Variants in FNBP1 observed in about 807,000 individuals in gnomAD.
The protein encoded by FNBP1 is formin-binding protein 1.
FNBP1 carries 26 observed loss-of-function variants against 90.6 expected under a neutral mutation model. That is an observed-to-expected ratio of 0.29 (90% CI 0.21 to 0.40). FNBP1 has a LOEUF of 0.40. FNBP1 is among the 10% of genes least tolerant of loss of function. The pLI is 1.00. For synonymous variants in FNBP1, 260 were observed against 265.2 expected (o/e 0.98, Z 0.19); for missense variants, 635 against 768.0 (o/e 0.83, Z 2.05).
intron 2 of FNBP1, among the ~76,000 whole-genome samples, chr9:129,986,947 T>C (rs2131107933): frequency 6.6e-6 from 1 of 151,998 alleles, no homozygotes. Context: ...AGCATAGAAT[T>C]TACACAGGAA....
chr9:130,032,764 A>G (rs1027722730), intron 1 of FNBP1, among the ~76,000 whole-genome samples: 1 of 152,144 alleles, frequency 6.6e-6, no homozygotes, highest in Non-Finnish European at 1.5e-5. Context: ...AAGTGGTAAT[A>G]ATAGCCAAAG....
At chr9:129,938,545 T>A (rs1349231669) in intron 6 of FNBP1, among the ~76,000 whole-genome samples, 1 of 151,914 alleles carries the variant, frequency 6.6e-6, no homozygotes, top group Non-Finnish European at 1.5e-5. Flanking sequence ...CTGACTCTTT[T>A]TTTTTTTTTT....
intron 16 of FNBP1, among the ~76,000 whole-genome samples, chr9:129,891,418 T>C (rs1249461032): frequency 2.6e-5 from 4 of 152,182 alleles, no homozygotes; most frequent in African/African-American, 9.6e-5. Context: ...CGAGCCAGGA[T>C]CACACCACTG....
At chr9:130,012,497 C>CT (rs2056745660) in intron 1 of FNBP1, among the ~76,000 whole-genome samples, 1 of 151,980 alleles carries the variant, frequency 6.6e-6, no homozygotes, top group South Asian at 2.1e-4. Flanking sequence ...AAAACCTCTA[C>CT]TTTTAAAAAT....
At chr9:130,018,944 G>C (rs1439641799) in intron 1 of FNBP1, among the ~76,000 whole-genome samples, 8 of 152,040 alleles carry the variant, frequency 5.3e-5, no homozygotes, top group Admixed American at 5.3e-4. Flanking sequence ...GATGATTAGG[G>C]CTGGGCACAG....
chr9:129,893,635 A>AAAAAAAAAAAAAAAAAAAC (rs2035344446), intron 16 of FNBP1, among the ~76,000 whole-genome samples: 2 of 140,266 alleles, frequency 1.4e-5, no homozygotes, highest in Non-Finnish European at 3.1e-5. Context: ...AAAAAAAAAA[A>AAAAAAAAAAAAAAAAAAAC]AAGCCAGGCA....
Position 130,005,675 on chromosome 9 carries a change from A to G in FNBP1, c.25-10717T>C, listed in dbSNP as rs367942358. Among the ~76,000 whole-genome samples, 163 of 152,326 alleles carry G rather than the reference A, an allele frequency of 1.1e-3. 3 individuals carry two copies. In the South Asian group the frequency reaches 0.032, roughly 30 times the overall value. ...ATATTAAAAGCAGAAATACTCAAAT[A>G]TATTTTTCAACCTAAAAGTGATGAA... On this transcript the variant is annotated intron_variant, in intron 1 of 16. Transcript: ENST00000446176.
chr9:129,950,797 CT>C (rs1158076609), intron 6 of FNBP1, among the ~76,000 whole-genome samples: 1 of 151,890 alleles, frequency 6.6e-6, no homozygotes, highest in Non-Finnish European at 1.5e-5. Flanking sequence ...CGACTTGTAC[CT>C]TTTTCTTTTT....
intron 2 of FNBP1, among the ~76,000 whole-genome samples, chr9:129,990,908 G>C (rs2053029108): frequency 6.6e-6 from 1 of 150,418 alleles, no homozygotes; most frequent in African/African-American, 2.4e-5. Flanking sequence ...AAAGAAGGCA[G>C]ACAGAGATGA....
chr9:129,961,182 G>T (rs1293322041), intron 4 of FNBP1, among the ~76,000 whole-genome samples: 1 of 151,582 alleles, frequency 6.6e-6, no homozygotes, highest in Admixed American at 6.6e-5. Context: ...GCATGGTGGC[G>T]CATGCCTGTA....
chr9:129,924,252 A>T (rs2041550389), intron 9 of FNBP1, among the ~76,000 whole-genome samples: 1 of 152,214 alleles, frequency 6.6e-6, no homozygotes, highest in Non-Finnish European at 1.5e-5. Flanking sequence ...GAAATATCTG[A>T]CAAGAAGCTC....
At chr9:130,006,433 T>C (rs936876109) in intron 1 of FNBP1, among the ~76,000 whole-genome samples, 3 of 152,180 alleles carry the variant, frequency 2.0e-5, no homozygotes, top group Admixed American at 2.0e-4. Flanking sequence ...AGGCGGAGGT[T>C]GCAGTGAGCT....
chr9:130,043,535 T>C (rs7037717), upstream of FNBP1, among the ~76,000 whole-genome samples: 2 of 152,244 alleles, frequency 1.3e-5, no homozygotes, highest in Non-Finnish European at 2.9e-5. Flanking sequence ...CCTGCGCGTA[T>C]CGCCGCTCTG....
chr9:129,957,132 G>T lies in FNBP1; in HGVS notation c.513+228C>A, dbSNP rs10124996. On this transcript the variant is annotated intron_variant, in intron 6 of 16. Transcript: ENST00000446176. The surrounding 1 kb of genome is among the most constrained non-coding windows in gnomAD (Gnocchi z 4.3). Reference sequence around the variant, plus strand: ...GGCTCACTGCAGCCAACGCCTCCTGGGCTCAAGCGATTCTCCTGCCTCAGC... The same window carrying T: ...GGCTCACTGCAGCCAACGCCTCCTGTGCTCAAGCGATTCTCCTGCCTCAGC... 0.84 allele frequency among the ~76,000 whole-genome samples: 126,999 copies of T among 151,454 alleles called. 53,541 individuals carry two copies. The highest frequency in any genetic ancestry group is 0.89 in the Non-Finnish European group (60,300 of 67,896).
chr9:129,896,576 G>A (rs1187922331), intron 15 of FNBP1, among the ~76,000 whole-genome samples: 1 of 152,064 alleles, frequency 6.6e-6, no homozygotes, highest in Non-Finnish European at 1.5e-5. Flanking sequence ...TAGAGATGGG[G>A]TTTCACCATG....
intron 1 of FNBP1, among the ~76,000 whole-genome samples, chr9:130,030,618 A>G (rs1320415023): frequency 6.6e-6 from 1 of 152,062 alleles, no homozygotes. Context: ...CAGCCATTAC[A>G]CTCATCCAAT....
intron 6 of FNBP1, among the ~76,000 whole-genome samples, chr9:129,951,092 G>T (rs894768735): frequency 6.6e-6 from 1 of 151,046 alleles, no homozygotes; most frequent in Admixed American, 6.6e-5. Context: ...GAGTAGCTGG[G>T]ATTACAGGCA....
chr9:129,923,712 T>G (rs1361939364), intron 10 of FNBP1, 132 bp downstream of exon 10: 27 of 450,824 alleles, frequency 6.0e-5, no homozygotes, highest in Middle Eastern at 8.4e-4. Context: ...ATGGTTTTTG[T>G]TTTTTTTTTT....
intron 1 of FNBP1, among the ~76,000 whole-genome samples, chr9:130,009,671 A>T (rs2056280500): frequency 6.6e-6 from 1 of 152,148 alleles, no homozygotes; most frequent in Non-Finnish European, 1.5e-5. Flanking sequence ...GTGTGGTGGC[A>T]TGGGCCTGTA....
Sources: gnomAD v4.1 joint callset for allele counts (sites outside exome capture counted in the v4.1 genomes callset) on GRCh38, gnomAD v4.1.1 for gene constraint, Gnocchi (gnomAD v3.1) non-coding constraint, MANE v1.5 for transcripts, NCBI Gene and HGNC (gene_info 2026-07-23, HGNC 2026-07-21) for gene names.